Variants in FREM1 observed in about 807,000 individuals in gnomAD.
FREM1 encodes FRAS1 related extracellular matrix 1.
Under a neutral mutation model 210.1 loss-of-function variants are expected in FREM1, and 220 were observed. The observed-to-expected ratio is 1.05, with a 90% CI of 0.94 to 1.17. The LOEUF (loss-of-function observed/expected upper bound fraction) is 1.17, where lower values mean the gene tolerates loss of function less well. Among genes scored for constraint, FREM1 ranks in the 50% most tolerant of loss-of-function variants. The pLI is 0.00. For synonymous variants in FREM1, 1,189 were observed against 980.2 expected, an observed-to-expected ratio of 1.21 and a Z score of -3.98; for missense variants, 3,454 against 2,675.5, an observed-to-expected ratio of 1.29 and a Z score of -6.42.
chr9:14,801,708 T>G lies in FREM1; in HGVS notation c.3638A>C (p.Asn1213Thr). The change falls in exon 20 of 37, where the codon AAC becomes ACC. Residue 1213 changes from asparagine (N) to threonine (T), a missense_variant. By Grantham distance (65) the Asn-to-Thr change is moderately conservative. Coordinates refer to ENST00000380880, the MANE Select transcript of FREM1 (RefSeq NM_001379081.2). ...AACAGGTGCATGTTTCTGGTGAGGG[T>G]TGGCTGGCTGCTTATTCTCAGAGAA... ...KDFSENKQPA[N>T]PHQKHAPVHS... The G allele has an allele frequency of 6.2e-7, 1 of 1,613,944 alleles. No homozygotes were observed. Among genetic ancestry groups the G allele is most frequent in the Non-Finnish European group, 8.5e-7 (1 of 1,179,846 alleles).
At chr9:14,781,090 G>T (rs1353194068) in intron 24 of FREM1, among the ~76,000 whole-genome samples, 1 of 152,136 alleles carries the variant, frequency 6.6e-6, no homozygotes, top group African/African-American at 2.4e-5. Context: ...ACCTTCTACT[G>T]GAAATGAGCT....
At chr9:14,825,079 A>G in intron 10 of FREM1, 87 bp from the exon 11 acceptor site, 1 of 867,294 alleles carries the variant, frequency 1.2e-6, no homozygotes, top group South Asian at 1.9e-5. Context: ...CACAGTTAAG[A>G]TAATTTCTAA....
chr9:14,910,831 A>G (rs1818577726), upstream of FREM1: 1 of 152,148 alleles, frequency 6.6e-6, no homozygotes, highest in Non-Finnish European at 1.5e-5. Flanking sequence ...TCCCATCTTC[A>G]AAGGTTTTTA....
intron 6 of FREM1, 25 bp from the exon 7 acceptor site, chr9:14,848,798 G>A: frequency 7.2e-7 from 1 of 1,392,204 alleles, no homozygotes; most frequent in Non-Finnish European, 1.0e-6. Context: ...AGGCAAAGGA[G>A]CCACACACTG....
At chr9:14,885,484 A>C (rs1365397114) in intron 1 of FREM1, among the ~76,000 whole-genome samples, 2 of 152,194 alleles carry the variant, frequency 1.3e-5, no homozygotes, top group African/African-American at 4.8e-5. Context: ...CAGTGGTGCG[A>C]TGATAGCTGA....
At chr9:14,759,750 A>G (rs779524138) in intron 28 of FREM1, 22 bp downstream of exon 28, 2 of 1,546,408 alleles carry the variant, frequency 1.3e-6, no homozygotes, top group Non-Finnish European at 1.7e-6. Context: ...TAGCTTGATA[A>G]TTTACATTTC....
At chr9:14,884,449 G>A (rs10810283) in intron 1 of FREM1, among the ~76,000 whole-genome samples, 60,396 of 151,910 alleles carry the variant, frequency 0.4, 12,296 homozygotes, top group East Asian at 0.64. Context: ...CGCCAATAAA[G>A]CTGTGTGAAA....
At chr9:14,744,502 T>G (rs994836443) in intron 35 of FREM1, among the ~76,000 whole-genome samples, 30 of 152,110 alleles carry the variant, frequency 2.0e-4, no homozygotes, top group African/African-American at 7.2e-4. Flanking sequence ...AAGTATTCTT[T>G]TGTGTAGGGC....
Position 14,801,773 on chromosome 9 carries a change from T to G in FREM1, c.3573A>C (p.Pro1191=). ...DALLFSITQK[P]RHGLLIDRGF... ...CCCTATCGATGAGGAGGCCATGGCG[T>G]GGCTTTTGAGTGATGCTGAACAGCA... is the stretch of plus-strand genomic sequence containing the variant. Residue 1191 remains proline (P), a synonymous_variant, in exon 20 of 37, where the codon CCA becomes CCC. Coordinates refer to ENST00000380880, the MANE Select transcript of FREM1 (RefSeq NM_001379081.2). 6.2e-7 allele frequency: 1 copy of G among 1,613,984 alleles called. No individual in the cohort carries two copies. Among genetic ancestry groups the G allele is most frequent in the Non-Finnish European group, 8.5e-7 (1 of 1,179,872 alleles).
At chr9:14,773,117 G>C (rs928857793) in intron 25 of FREM1, among the ~76,000 whole-genome samples, 1 of 152,068 alleles carries the variant, frequency 6.6e-6, no homozygotes, top group Non-Finnish European at 1.5e-5. Context: ...TTTAAAGAAA[G>C]CTCTGTCCCC....
chr9:14,800,404 G>A (rs948775047), intron 20 of FREM1, among the ~76,000 whole-genome samples: 1 of 152,164 alleles, frequency 6.6e-6, no homozygotes, highest in Non-Finnish European at 1.5e-5. Flanking sequence ...ATTTTTAAAA[G>A]TATTTTCATA....
chr9:14,793,211 C>T (rs1327515778), intron 21 of FREM1, among the ~76,000 whole-genome samples: 1 of 152,148 alleles, frequency 6.6e-6, no homozygotes, highest in East Asian at 1.9e-4. Context: ...TCATTTTACA[C>T]TCACAACAAC....
At chr9:14,889,931 G>A (rs1564179272) in intron 1 of FREM1, among the ~76,000 whole-genome samples, 1 of 152,204 alleles carries the variant, frequency 6.6e-6, no homozygotes, top group African/African-American at 2.4e-5. Context: ...AAAGTTATGG[G>A]AAAATGTATT....
intron 19 of FREM1, among the ~76,000 whole-genome samples, chr9:14,803,648 C>T (rs1012012163): frequency 1.3e-5 from 2 of 152,116 alleles, no homozygotes; most frequent in Non-Finnish European, 2.9e-5. Flanking sequence ...GGATTACAGG[C>T]GTGAGCCACC....
intron 24 of FREM1, among the ~76,000 whole-genome samples, chr9:14,783,366 A>C (rs1299784261): frequency 2.0e-5 from 3 of 152,198 alleles, no homozygotes; most frequent in African/African-American, 4.8e-5. Context: ...ATAATATAGG[A>C]GTATGCTCCA....
In FREM1 at chr9:14,846,009, G is replaced by A. The variant is rs537788336; in HGVS notation, c.1344C>T (p.Val448=). Residue 448 remains valine, a synonymous_variant, in exon 8 of 37, where the codon GTC becomes GTT. Transcript: ENST00000380880. ...QVVDNDDIGA[V]RLVTVGGLQH... ...GCAGGCCACCAACGGTGACTAGCCG[G>A]ACAGCACCAATGTCGTCATTGTCGA... 1 of 1,612,986 alleles carries A rather than the reference G, an allele frequency of 6.2e-7. No individual in the cohort carries two copies. Among genetic ancestry groups the A allele is most frequent in the South Asian group, 1.1e-5 (1 of 90,760 alleles).
intron 27 of FREM1, among the ~76,000 whole-genome samples, chr9:14,763,378 C>T (rs911219821): frequency 1.7e-4 from 26 of 152,112 alleles, no homozygotes; most frequent in East Asian, 5.8e-4. Flanking sequence ...CTTCCATATG[C>T]GGTTTTAATG....
At chr9:14,802,042 G>C (rs1049592048) in intron 19 of FREM1, among the ~76,000 whole-genome samples, 168 bp from the exon 20 acceptor site, 3 of 152,182 alleles carry the variant, frequency 2.0e-5, no homozygotes, top group Non-Finnish European at 4.4e-5. Context: ...GAATGTAAAG[G>C]AAGTAACAGA....
chr9:14,825,451 G>A (rs1822166316), intron 10 of FREM1, among the ~76,000 whole-genome samples: 1 of 140,956 alleles, frequency 7.1e-6, no homozygotes, highest in South Asian at 2.2e-4. Flanking sequence ...TCACGCCATT[G>A]CACTCCAGCC....
Sources: allele counts gnomAD v4.1 joint callset (sites outside exome capture counted in the v4.1 genomes callset), GRCh38; gene constraint gnomAD v4.1.1; transcripts MANE v1.5; gene names NCBI Gene and HGNC (gene_info 2026-07-23, HGNC 2026-07-21).